Variants in NKAIN2 observed in about 807,000 individuals in gnomAD.
NKAIN2 encodes sodium/potassium-transporting ATPase subunit beta-1-interacting protein 2.
A neutral mutation model predicts 32.6 loss-of-function variants in NKAIN2; 14 were observed. That is an observed-to-expected ratio of 0.43 (90% confidence interval 0.28 to 0.67). The LOEUF is 0.67. Among genes scored for constraint, NKAIN2 ranks in the 30% least tolerant of loss-of-function variants. NKAIN2 has a pLI of 0.17. For missense variants in NKAIN2, 198 were observed against 258.3 expected, an observed-to-expected ratio of 0.77 and a Z score of 1.60; for synonymous variants, 80 against 87.2, an observed-to-expected ratio of 0.92 and a Z score of 0.46.
At chr6:124,611,679 G>A (rs1583517798) in intron 3 of NKAIN2, among the ~76,000 whole-genome samples, 2 of 152,034 alleles carry the variant, frequency 1.3e-5, no homozygotes, top group South Asian at 2.1e-4. Context: ...AGACAGATTT[G>A]GTGGATTAGA....
intron 1 of NKAIN2, among the ~76,000 whole-genome samples, chr6:124,045,742 A>G (rs1782091163): frequency 6.6e-6 from 1 of 152,030 alleles, no homozygotes; most frequent in Non-Finnish European, 1.5e-5. Context: ...ACCATGTTCT[A>G]TAATTTGAAA....
At chr6:124,190,018 T>C in intron 1 of NKAIN2, among the ~76,000 whole-genome samples, 1 of 152,210 alleles carries the variant, frequency 6.6e-6, no homozygotes, top group East Asian at 1.9e-4. Flanking sequence ...TGTGAAGTGT[T>C]TTAACTATTG....
chr6:124,093,015 A>T (rs1238704477), intron 1 of NKAIN2, among the ~76,000 whole-genome samples: 1 of 151,994 alleles, frequency 6.6e-6, no homozygotes, highest in Non-Finnish European at 1.5e-5. Flanking sequence ...GCCAGTATGA[A>T]TTTTAAAGTC....
intron 3 of NKAIN2, among the ~76,000 whole-genome samples, chr6:124,574,100 A>AGAT (rs1781238286): frequency 6.6e-6 from 1 of 152,168 alleles, no homozygotes; most frequent in African/African-American, 2.4e-5. Flanking sequence ...AGCAAGTAGC[A>AGAT]GATGTTGGAC....
intron 1 of NKAIN2, among the ~76,000 whole-genome samples, chr6:123,923,923 C>T (rs1775885906): frequency 6.7e-6 from 1 of 148,912 alleles, no homozygotes; most frequent in Non-Finnish European, 1.5e-5. Context: ...CACATGTACC[C>T]TAAAACTTAA....
intron 3 of NKAIN2, among the ~76,000 whole-genome samples, chr6:124,421,759 A>G (rs1350534637): frequency 6.6e-6 from 1 of 152,126 alleles, no homozygotes; most frequent in Non-Finnish European, 1.5e-5. Flanking sequence ...TATTTTATTA[A>G]GGTTTGTACA....
chr6:123,906,153 T>G (rs1774855251), intron 1 of NKAIN2, among the ~76,000 whole-genome samples: 1 of 152,206 alleles, frequency 6.6e-6, no homozygotes, highest in African/African-American at 2.4e-5. Context: ...TCTTCCTTGA[T>G]CTCATGTTTC....
chr6:123,968,489 A>G (rs1778193950), intron 1 of NKAIN2, among the ~76,000 whole-genome samples: 2 of 152,216 alleles, frequency 1.3e-5, no homozygotes, highest in African/African-American at 2.4e-5. Context: ...ATATACATTT[A>G]ATGTTTTGTA....
intron 3 of NKAIN2, among the ~76,000 whole-genome samples, chr6:124,600,885 T>A (rs1782279130): frequency 6.6e-6 from 1 of 152,022 alleles, no homozygotes; most frequent in Non-Finnish European, 1.5e-5. Context: ...CTCGATTTTT[T>A]AAAAAAGAAT....
intron 1 of NKAIN2, among the ~76,000 whole-genome samples, chr6:124,186,133 AG>A (rs1454831772): frequency 7.1e-6 from 1 of 141,506 alleles, no homozygotes; most frequent in Non-Finnish European, 1.5e-5. Context: ...AATAAAAAAA[AG>A]AAAAGAAAGG....
chr6:124,759,832 G>A (rs983125006), intron 4 of NKAIN2, among the ~76,000 whole-genome samples: 8 of 151,894 alleles, frequency 5.3e-5, no homozygotes, highest in African/African-American at 1.9e-4. Context: ...AAGTAAAATA[G>A]TGCTTATCGG....
intron 2 of NKAIN2, among the ~76,000 whole-genome samples, chr6:124,337,885 A>G (rs370148217): frequency 6.6e-6 from 1 of 152,212 alleles, no homozygotes; most frequent in East Asian, 1.9e-4. Flanking sequence ...CCTCATGAGG[A>G]ACAAGGGGTG....
intron 3 of NKAIN2, among the ~76,000 whole-genome samples, chr6:124,567,498 C>T (rs1006130466): frequency 1.3e-5 from 2 of 152,202 alleles, no homozygotes; most frequent in African/African-American, 2.4e-5. Context: ...ATGTGAGCTC[C>T]GTGAGGGTAG....
intron 2 of NKAIN2, among the ~76,000 whole-genome samples, chr6:124,285,987 T>G (rs1562471330): frequency 6.6e-6 from 1 of 152,188 alleles, no homozygotes; most frequent in Non-Finnish European, 1.5e-5. Context: ...ACCTTTATAA[T>G]TTTTATATTT....
intron 5 of NKAIN2, among the ~76,000 whole-genome samples, chr6:124,799,475 A>G (rs146298048): frequency 1.9e-3 from 292 of 152,270 alleles, no homozygotes; most frequent in African/African-American, 6.9e-3. Flanking sequence ...ACATACACAC[A>G]CACACATACT....
At chr6:124,513,294 T>A (rs1349107432) in intron 3 of NKAIN2, among the ~76,000 whole-genome samples, 1 of 152,182 alleles carries the variant, frequency 6.6e-6, no homozygotes, top group Non-Finnish European at 1.5e-5. Flanking sequence ...GGACTCTTAT[T>A]AAAAAAGGCG....
chr6:123,868,220 G>C (rs1772677821), intron 1 of NKAIN2, among the ~76,000 whole-genome samples: 2 of 152,098 alleles, frequency 1.3e-5, no homozygotes, highest in South Asian at 4.1e-4. Context: ...GAGGCTCTAA[G>C]CTCCCTGGAG....
intron 2 of NKAIN2, among the ~76,000 whole-genome samples, chr6:124,350,413 A>G (rs1388418471): frequency 6.8e-6 from 1 of 147,960 alleles, no homozygotes; most frequent in Non-Finnish European, 1.5e-5. Context: ...CTAAAATGAG[A>G]AAAAAAATGT....
At chr6:124,066,252 T>G (rs1034334493) in intron 1 of NKAIN2, among the ~76,000 whole-genome samples, 1 of 152,204 alleles carries the variant, frequency 6.6e-6, no homozygotes, top group African/African-American at 2.4e-5. Context: ...GAATTTTTCT[T>G]TTTCCAAATT....
Sources: allele counts gnomAD v4.1 joint callset (sites outside exome capture counted in the v4.1 genomes callset), GRCh38; gene constraint gnomAD v4.1.1; transcripts MANE v1.5; gene names NCBI Gene and HGNC (gene_info 2026-07-23, HGNC 2026-07-21).